The following GNA12 variants were observed in gnomAD, a reference collection of about 807,000 sequenced individuals.
The protein encoded by GNA12 is guanine nucleotide-binding protein subunit alpha-12.
Under a neutral mutation model 26.0 loss-of-function variants are expected in GNA12, and 9 were observed. The observed-to-expected ratio is 0.35, with a 90% CI of 0.21 to 0.60. The LOEUF is 0.60. GNA12 is among the 20% of genes least tolerant of loss of function. GNA12 has a pLI of 0.78. For missense variants in GNA12, 405 were observed against 525.8 expected (o/e 0.77, Z 2.25); for synonymous variants, 264 against 219.6 (o/e 1.20, Z -1.79).
intron 2 of GNA12, among the ~76,000 whole-genome samples, chr7:2,765,437 G>A (rs1451048141): frequency 6.6e-6 from 1 of 152,074 alleles, no homozygotes; most frequent in East Asian, 1.9e-4. Context: ...GGGATTACAG[G>A]CCTGAGCCAC....
intron 2 of GNA12, among the ~76,000 whole-genome samples, chr7:2,759,088 C>T (rs931062133): frequency 2.7e-5 from 4 of 150,528 alleles, no homozygotes; most frequent in East Asian, 2.0e-4. Flanking sequence ...TGCAATGAGC[C>T]GAGATTACAC....
At chr7:2,749,163 A>G (rs11536437) in intron 2 of GNA12, among the ~76,000 whole-genome samples, 27,450 of 152,038 alleles carry the variant, frequency 0.18, 2,479 homozygotes, top group Non-Finnish European at 0.2. Flanking sequence ...ATTACTGGGT[A>G]TATACCCAAA....
At chr7:2,741,687 CT>C (rs1337201778) in intron 2 of GNA12, among the ~76,000 whole-genome samples, 4 of 152,078 alleles carry the variant, frequency 2.6e-5, no homozygotes, top group Non-Finnish European at 4.4e-5. Flanking sequence ...CGCTCGCTCT[CT>C]TTCAATACAC....
chr7:2,835,783 G>A, intron 1 of GNA12: 1 of 722,456 alleles, frequency 1.4e-6, no homozygotes, highest in South Asian at 1.4e-5. Flanking sequence ...AGATGCTCGT[G>A]ACGGTACCAT....
intron 2 of GNA12, among the ~76,000 whole-genome samples, chr7:2,744,913 G>A (rs1410390560): frequency 1.3e-5 from 2 of 152,156 alleles, no homozygotes; most frequent in Non-Finnish European, 2.9e-5. Flanking sequence ...GGAAGAAAGG[G>A]TATAAGTGAT....
At chr7:2,744,404 A>C (rs1266048583) in intron 2 of GNA12, among the ~76,000 whole-genome samples, 1 of 152,232 alleles carries the variant, frequency 6.6e-6, no homozygotes, top group Non-Finnish European at 1.5e-5. Flanking sequence ...TACCCAAGCA[A>C]ACAGGGTCTG....
At chr7:2,793,332 G>A (rs759062762) in intron 2 of GNA12, among the ~76,000 whole-genome samples, 3 of 146,218 alleles carry the variant, frequency 2.1e-5, no homozygotes, top group Non-Finnish European at 3.0e-5. Flanking sequence ...CGGACAGGAC[G>A]CGAGAGGAAG....
intron 1 of GNA12, among the ~76,000 whole-genome samples, chr7:2,833,297 A>G (rs1778736473): frequency 6.6e-6 from 1 of 152,230 alleles, no homozygotes; most frequent in African/African-American, 2.4e-5. Context: ...ACATCACCCT[A>G]TAATTACATC....
intron 1 of GNA12, among the ~76,000 whole-genome samples, chr7:2,802,819 T>C (rs1792844717): frequency 6.6e-6 from 1 of 152,170 alleles, no homozygotes; most frequent in Non-Finnish European, 1.5e-5. Flanking sequence ...GCCTCTTAGT[T>C]CCTCTCGAAA....
intron 1 of GNA12, among the ~76,000 whole-genome samples, chr7:2,818,077 A>C (rs185495303): frequency 3.0e-3 from 453 of 152,358 alleles, no homozygotes; most frequent in Admixed American, 6.0e-3. Context: ...AATTAATTCA[A>C]TGAACACGGA....
intron 2 of GNA12, among the ~76,000 whole-genome samples, chr7:2,744,187 C>G (rs1344568740): frequency 2.0e-5 from 3 of 152,224 alleles, no homozygotes; most frequent in Non-Finnish European, 4.4e-5. Context: ...TCTCCCAGCA[C>G]GCAGCTGGAG....
Position 2,731,949 on chromosome 7 carries a change from C to T in GNA12, c.577-199G>A, listed in dbSNP as rs545889409. Among the ~76,000 whole-genome samples the T allele has an allele frequency of 4.6e-5, 7 of 152,328 alleles. No homozygotes were observed. The highest frequency in any genetic ancestry group is 2.1e-4 in the South Asian group (1 of 4,824). On this transcript the variant is annotated intron_variant, in intron 3 of 3. Coordinates refer to ENST00000275364, the MANE Select transcript of GNA12 (RefSeq NM_007353.3). The surrounding 1 kb of genome is among the most constrained non-coding windows in gnomAD (Gnocchi z 6.0). ...AAGAATCAAATACTTCATTTCAAAA[C>T]GAACGGAGGCTCACCAGTCTGAGGA...
chr7:2,842,035 GAAAAGAAA>G (rs1779004664), intron 1 of GNA12, among the ~76,000 whole-genome samples: 3 of 130,358 alleles, frequency 2.3e-5, no homozygotes, highest in East Asian at 2.4e-4. Flanking sequence ...GAGGAAGGAA[GAAAAGAAA>G]AAAGGAAGGA....
chr7:2,738,719 A>T (rs1278243625), intron 2 of GNA12, among the ~76,000 whole-genome samples: 2 of 152,182 alleles, frequency 1.3e-5, no homozygotes, highest in Non-Finnish European at 2.9e-5. Flanking sequence ...TTAAAAAAAA[A>T]TTAAATAAAA....
chr7:2,732,656 T>C (rs798529), intron 3 of GNA12, among the ~76,000 whole-genome samples: 88,606 of 152,096 alleles, frequency 0.58, 26,018 homozygotes, highest in Admixed American at 0.63. Flanking sequence ...GACATGATCA[T>C]GCCTCGATCT....
At chr7:2,778,064 C>T (rs552709493) in intron 2 of GNA12, among the ~76,000 whole-genome samples, 11 of 152,104 alleles carry the variant, frequency 7.2e-5, no homozygotes, top group South Asian at 2.1e-4. Context: ...TGCTCAAACA[C>T]GAGCTACACT....
At chr7:2,829,412 G>A (rs956711843) in intron 1 of GNA12, among the ~76,000 whole-genome samples, 6 of 152,200 alleles carry the variant, frequency 3.9e-5, no homozygotes, top group African/African-American at 9.7e-5. Flanking sequence ...CCATGGGGAC[G>A]CTGACAGTGG....
At chr7:2,824,021 T>G (rs550979998) in intron 1 of GNA12, among the ~76,000 whole-genome samples, 12 of 152,200 alleles carry the variant, frequency 7.9e-5, no homozygotes, top group Non-Finnish European at 1.6e-4. Flanking sequence ...TAAAAGATAG[T>G]TGACTCCTTT....
At chr7:2,839,236 T>A (rs149703692) in intron 1 of GNA12, among the ~76,000 whole-genome samples, 68 of 140,616 alleles carry the variant, frequency 4.8e-4, no homozygotes, top group African/African-American at 1.6e-3. Context: ...AACAGGAAAA[T>A]CTTTTCTTTT....
Sources: gnomAD v4.1 joint callset for allele counts (sites outside exome capture counted in the v4.1 genomes callset) on GRCh38, gnomAD v4.1.1 for gene constraint, Gnocchi (gnomAD v3.1) non-coding constraint, MANE v1.5 for transcripts, NCBI Gene and HGNC (gene_info 2026-07-23, HGNC 2026-07-21) for gene names.